MYH14: variants seen among roughly 807,000 people sequenced by gnomAD.
MYH14 encodes myosin-14.
MYH14 carries 123 observed loss-of-function variants against 255.5 expected under a neutral mutation model. The ratio of observed to expected loss-of-function variants is 0.48; its 90% confidence interval spans 0.42 to 0.56. MYH14 has a LOEUF of 0.56. Among genes scored for constraint, MYH14 ranks in the 20% least tolerant of loss-of-function variants. MYH14 has a pLI of 0.00. For synonymous variants in MYH14, 1,095 were observed against 1,161.2 expected, an observed-to-expected ratio of 0.94 and a Z score of 1.16; for missense variants, 2,423 against 2,802.3, an observed-to-expected ratio of 0.86 and a Z score of 3.06.
chr19:50,240,826 C>A lies in MYH14; in HGVS notation c.1115-3416C>A, dbSNP rs71355131. On this transcript the variant is annotated intron_variant, in intron 10 of 42. Coordinates refer to ENST00000642316, the MANE Select transcript of MYH14 (RefSeq NM_001145809.2). The stretch of plus-strand genomic sequence containing the variant: ...AAAAACAGAAAAACAAACAAAAAAA[C>A]CCAAAAAAACAACCACAGACTGCCC... Among the ~76,000 whole-genome samples the A allele has an allele frequency of 9.3e-3, 1,401 of 150,962 alleles. 7 individuals are homozygous for A. Among genetic ancestry groups the A allele is most frequent in the South Asian group, 0.016 (78 of 4,782 alleles).
chr19:50,228,647 C>T (rs563279257), intron 8 of MYH14, among the ~76,000 whole-genome samples: 30 of 152,282 alleles, frequency 2.0e-4, no homozygotes, highest in African/African-American at 7.2e-4. Flanking sequence ...CTCCATGGTA[C>T]CTGCATATCC....
At chr19:50,292,195 G>A in intron 36 of MYH14, 66 bp from the exon 37 acceptor site, 2 of 1,477,146 alleles carry the variant, frequency 1.4e-6, no homozygotes, top group East Asian at 2.5e-5. Context: ...GTCTGGCAAG[G>A]GGGTGGAGGA....
intron 41 of MYH14, chr19:50,308,250 A>G (rs1341377302): frequency 6.6e-6 from 1 of 152,218 alleles, no homozygotes; most frequent in East Asian, 1.9e-4. Flanking sequence ...TTCAGAACAA[A>G]AAGCAGATTA....
At chr19:50,299,553 A>T (rs186057818) in intron 39 of MYH14, among the ~76,000 whole-genome samples, 1 of 138,768 alleles carries the variant, frequency 7.2e-6, no homozygotes, top group East Asian at 2.1e-4. Context: ...CCTTGGTGAC[A>T]GAGCAAGACT....
rs1396331351 is a variant in MYH14, at chr19:50,267,294, T to G, written c.2826+286T>G. ...GAGTCCTGCAGAGCCAGAATGGAGC[T>G]GGGCTGTAGGATCTGGGGGCAGGGG... On this transcript the variant is annotated intron_variant, in intron 23 of 42. Transcript: ENST00000642316. Among the ~76,000 whole-genome samples the G allele has an allele frequency of 2.8e-5, 4 of 144,334 alleles. No individual in the cohort carries two copies. The South Asian group carries it at 9.0e-4, about 32-fold the overall frequency. The allele number at this position is 144,334 out of a possible 152,430, so 94.7% of individuals were successfully genotyped here. A position where few individuals can be genotyped will look rare whatever the true frequency, so the allele number is the denominator to read the frequency against.
At chr19:50,286,221 C>A in intron 33 of MYH14, 1 of 355,678 alleles carries the variant, frequency 2.8e-6, no homozygotes, top group Non-Finnish European at 5.1e-6. Flanking sequence ...ATTTTTTCTA[C>A]TGCCACTCTT....
intron 20 of MYH14, among the ~76,000 whole-genome samples, chr19:50,261,028 C>A (rs1412796537): frequency 8.5e-6 from 1 of 117,452 alleles, no homozygotes; most frequent in Non-Finnish European, 1.8e-5. Context: ...CTATCACCCC[C>A]CTCCCCGTCA....
chr19:50,263,493 G>T, intron 22 of MYH14, 73 bp downstream of exon 22: 1 of 1,086,620 alleles, frequency 9.2e-7, no homozygotes, highest in South Asian at 1.7e-5. Flanking sequence ...CTTGACAAGT[G>T]ACTTCCTCCA....
chr19:50,292,271 A>G lies in MYH14; in HGVS notation c.5138A>G (p.Lys1713Arg). The change falls in exon 37 of 43, where the codon AAG becomes AGG. Residue 1713 changes from lysine (K) to arginine (R), a missense_variant. Coordinates refer to ENST00000642316, the MANE Select transcript of MYH14 (RefSeq NM_001145809.2). ...TTCCGTTCCACCCAGGCCCAGATGA[A>G]GGAGCTATGGCGGGAGGTGGAGGAG... ...KQLRKMQAQM[K>R]ELWREVEETR... is the part of the protein sequence containing the mutation. The G allele has an allele frequency of 6.2e-7, 1 of 1,605,226 alleles. No homozygotes were observed. Among genetic ancestry groups the G allele is most frequent in the South Asian group, 1.1e-5 (1 of 88,606 alleles).
chr19:50,288,943 A>G (rs2035977994), intron 34 of MYH14, among the ~76,000 whole-genome samples: 2 of 152,080 alleles, frequency 1.3e-5, no homozygotes, highest in Admixed American at 6.6e-5. Flanking sequence ...TACCTCCCTG[A>G]AAGATCAGGG....
chr19:50,305,582 T>G (rs2123488816), intron 40 of MYH14, among the ~76,000 whole-genome samples: 1 of 152,068 alleles, frequency 6.6e-6, no homozygotes, highest in South Asian at 2.1e-4. Flanking sequence ...GGACCCCTGC[T>G]CCATTATACA....
chr19:50,247,108 C>T lies in MYH14; in HGVS notation c.1315C>T (p.Gln439Ter). 1 of 1,613,060 alleles carries T rather than the reference C, an allele frequency of 6.2e-7. No individual in the cohort carries two copies. The highest frequency in any genetic ancestry group is 8.5e-7 in the Non-Finnish European group (1 of 1,179,422). Residue 439 changes from glutamine (Q) to a stop codon, truncating the protein, a stop_gained, in exon 12 of 43, where the codon CAG becomes TAG. Transcript: ENST00000642316. LOFTEE classifies it high-confidence loss of function. ...KVGRDYVQKA[Q>*]TKEQADFALE... is the part of the protein sequence containing the mutation. ...TGGCCGAGACTATGTGCAGAAAGCCCAGACTAAGGAACAGGTAGGCGGGGC... is the reference window on the plus strand; with the variant it reads ...TGGCCGAGACTATGTGCAGAAAGCCTAGACTAAGGAACAGGTAGGCGGGGC...
rs1601083116 is a variant in MYH14 at position 50,309,659 on chromosome 19, A to C, written c.5980A>C (p.Thr1994Pro). ...NRLRRGPLTF[T>P]TRTVRQVFRL... ...CCACAGACGCGGCCCCCTCACCTTC[A>C]CCACCCGCACGGTGCGCCAGGTCTT... The change falls in exon 43 of 43, where the codon ACC (threonine) becomes CCC (proline). Residue 1994 changes from threonine to proline, a missense_variant. Physicochemically the swap from Thr to Pro is conservative, Grantham distance 38. Transcript: ENST00000642316. 6.4e-7 allele frequency: 1 copy of C among 1,565,166 alleles called. No individual in the cohort carries two copies. The highest frequency in any genetic ancestry group is 8.6e-7 in the Non-Finnish European group (1 of 1,162,778).
In MYH14 at chr19:50,281,663, C is replaced by T. The variant is rs1447952322; in HGVS notation, c.4360C>T (p.Arg1454Trp). ...ALEAGEEARR[R>W]AAREAEALTQ... Reference sequence around the variant, plus strand: ...GGAGGCAGGGGAGGAGGCACGGCGCCGGGCAGCCCGGGAGGCCGAGGCCCT... The same window carrying T: ...GGAGGCAGGGGAGGAGGCACGGCGCTGGGCAGCCCGGGAGGCCGAGGCCCT... Residue 1454 changes from arginine to tryptophan, a missense_variant, in exon 33 of 43, where the codon CGG becomes TGG. Coordinates refer to ENST00000642316, the MANE Select transcript of MYH14 (RefSeq NM_001145809.2). The T allele has an allele frequency of 1.1e-5, 17 of 1,608,942 alleles. No homozygotes were observed. The highest frequency in any genetic ancestry group is 1.4e-5 in the Non-Finnish European group (16 of 1,178,234).
At chr19:50,257,541 G>T in intron 18 of MYH14, 55 bp downstream of exon 18, 1 of 1,532,746 alleles carries the variant, frequency 6.5e-7, no homozygotes, top group South Asian at 1.2e-5. Context: ...GTTAAGGTTT[G>T]GCCTCTGGAC....
intron 2 of MYH14, among the ~76,000 whole-genome samples, chr19:50,212,029 G>T (rs1272555883): frequency 6.6e-6 from 1 of 152,068 alleles, no homozygotes; most frequent in African/African-American, 2.4e-5. Flanking sequence ...AGAAGAGATT[G>T]ATGATACTTA....
intron 40 of MYH14, among the ~76,000 whole-genome samples, chr19:50,305,265 G>C (rs1486326112): frequency 6.6e-6 from 1 of 152,080 alleles, no homozygotes; most frequent in Non-Finnish European, 1.5e-5. Flanking sequence ...CCTGAGCTGG[G>C]GCTGGGGCTG....
At chr19:50,290,704 A>G (rs2036041739) in intron 35 of MYH14, among the ~76,000 whole-genome samples, 183 bp from the exon 36 acceptor site, 1 of 152,058 alleles carries the variant, frequency 6.6e-6, no homozygotes, top group Admixed American at 6.6e-5. Context: ...GGCTTAGGTG[A>G]GATGGGGGAC....
At position 50,276,048 on chromosome 19, in the gene MYH14, AG is replaced by A; in HGVS notation, c.3526del (p.Ala1176GlnfsTer59). 6.2e-7 allele frequency: 1 copy of A among 1,612,666 alleles called. No individual in the cohort carries two copies. On this transcript the variant is annotated frameshift_variant, in exon 28 of 43. Coordinates refer to ENST00000642316, the MANE Select transcript of MYH14 (RefSeq NM_001145809.2). The surrounding 1 kb of genome is among the most constrained non-coding windows in gnomAD (Gnocchi z 4.3). ...TGCTGAAATCCCTGCGGGAGGCTCA[AG>A]CAGCCCTGGCCGAGGCCCAGGAGGA... is the stretch of plus-strand genomic sequence containing the variant. ...QLLKSLREAQ[A>X]ALAEAQEDLE...
Sources: gnomAD v4.1 joint callset for allele counts (sites outside exome capture counted in the v4.1 genomes callset) on GRCh38, gnomAD v4.1.1 for gene constraint, Gnocchi (gnomAD v3.1) non-coding constraint, MANE v1.5 for transcripts, NCBI Gene and HGNC (gene_info 2026-07-23, HGNC 2026-07-21) for gene names.